Variants in RBL1 observed in about 807,000 individuals in gnomAD.
The protein encoded by RBL1 is RB transcriptional corepressor like 1, also known as retinoblastoma-like protein 1.
In RBL1, 82 loss-of-function variants were observed where a neutral mutation model predicts 123.0. The ratio of observed to expected loss-of-function variants is 0.67; its 90% CI spans 0.56 to 0.80. The LOEUF (loss-of-function observed/expected upper bound fraction) is 0.80, where lower values mean the gene tolerates loss of function less well. Ranked by LOEUF, RBL1 falls within the 30% of genes least tolerant of loss-of-function variation. RBL1 has a pLI of 0.00. For synonymous variants in RBL1, 405 were observed against 441.3 expected (o/e 0.92, Z 1.03); for missense variants, 1,171 against 1,299.6 (o/e 0.90, Z 1.52).
intron 7 of RBL1, among the ~76,000 whole-genome samples, chr20:37,062,823 C>T (rs1478991108): frequency 6.7e-6 from 1 of 149,012 alleles, no homozygotes; most frequent in Non-Finnish European, 1.5e-5. Flanking sequence ...GGCGTGGTGG[C>T]GGGCGCCTGT....
intron 7 of RBL1, among the ~76,000 whole-genome samples, chr20:37,064,280 G>A (rs184526236): frequency 6.6e-6 from 1 of 152,028 alleles, no homozygotes; most frequent in East Asian, 1.9e-4. Flanking sequence ...TGGGACTACA[G>A]GCGTGTGCCA....
At chr20:37,011,589 C>A (rs1268031392) in intron 19 of RBL1, among the ~76,000 whole-genome samples, 1 of 151,946 alleles carries the variant, frequency 6.6e-6, no homozygotes, top group African/African-American at 2.4e-5. Context: ...TGCTTACCAC[C>A]ATGCCTGGCT....
intron 2 of RBL1, among the ~76,000 whole-genome samples, chr20:37,069,321 C>T (rs1345749702): frequency 6.6e-6 from 1 of 151,024 alleles, no homozygotes; most frequent in African/African-American, 2.4e-5. Flanking sequence ...GTGAGGAGCC[C>T]CTCTGCCTGG....
At chr20:37,086,735 T>C (rs1422404205) in intron 2 of RBL1, among the ~76,000 whole-genome samples, 1 of 152,180 alleles carries the variant, frequency 6.6e-6, no homozygotes. Flanking sequence ...TAAATTTGTT[T>C]TGTTTCCTAT....
At chr20:37,063,798 C>T (rs1350742298) in intron 7 of RBL1, among the ~76,000 whole-genome samples, 1 of 151,654 alleles carries the variant, frequency 6.6e-6, no homozygotes, top group Non-Finnish European at 1.5e-5. Flanking sequence ...AGGAGTGAGC[C>T]ACCATGCCCG....
At chr20:37,060,984 A>G (rs1395725185) in intron 9 of RBL1, 119 bp downstream of exon 9, 2 of 1,119,494 alleles carry the variant, frequency 1.8e-6, no homozygotes, top group African/African-American at 3.2e-5. Flanking sequence ...GAAATGGTAT[A>G]GTAAAACTTG....
chr20:37,068,879 C>T (rs1004523273), intron 2 of RBL1, among the ~76,000 whole-genome samples: 5 of 152,188 alleles, frequency 3.3e-5, no homozygotes, highest in East Asian at 1.9e-4. Flanking sequence ...TCTCTTTCCA[C>T]GGTCTCCCTC....
At chr20:37,017,946 T>C (rs2064283678) in intron 19 of RBL1, among the ~76,000 whole-genome samples, 1 of 152,164 alleles carries the variant, frequency 6.6e-6, no homozygotes, top group South Asian at 2.1e-4. Context: ...GGACATTTTC[T>C]TAACAGACTC....
At chr20:37,000,090 G>A (rs1428659124) in intron 21 of RBL1, among the ~76,000 whole-genome samples, 2 of 150,354 alleles carry the variant, frequency 1.3e-5, no homozygotes, top group African/African-American at 2.4e-5. Context: ...TGTGGGGAGC[G>A]CCTCTGCCCT....
At chr20:37,059,256 G>A (rs908497398) in intron 9 of RBL1, among the ~76,000 whole-genome samples, 1 of 152,196 alleles carries the variant, frequency 6.6e-6, no homozygotes, top group African/African-American at 2.4e-5. Flanking sequence ...TTCTGAGGCT[G>A]GAGATTGTTC....
chr20:37,056,348 CTTCT>C (rs1364578716), intron 9 of RBL1, 90 bp from the exon 10 acceptor site: 6 of 950,472 alleles, frequency 6.3e-6, no homozygotes, highest in Admixed American at 9.0e-5. Context: ...ATGCCTTCTT[CTTCT>C]TTTTTTTTTT....
At position 37,081,984 on chromosome 20, in the gene RBL1, T is replaced by C. The variant is rs938427877; in HGVS notation, c.290+7005A>G. On this transcript the variant is annotated intron_variant, in intron 2 of 21. Transcript: ENST00000373664. ...AGGCTCGCTTCAGGTCACTTCATGG[T>C]TGCCAAAATGTCAACTGGCCAGGAG... The C allele has an allele frequency of 1.5e-5, 7 of 456,036 alleles. No individual in the cohort carries two copies. The East Asian group carries it at 2.1e-4, about 14-fold the overall frequency. 28.2% of individuals were successfully genotyped at this position (456,036 alleles called of 1,614,324 possible). A position where few individuals can be genotyped will look rare whatever the true frequency, so the allele number is the denominator to read the frequency against.
At chr20:37,057,040 CCTACCTACCTATCTACCTAT>C (rs1209552744) in intron 9 of RBL1, among the ~76,000 whole-genome samples, 2 of 144,064 alleles carry the variant, frequency 1.4e-5, no homozygotes, top group African/African-American at 5.3e-5. Flanking sequence ...TACCTACCTA[CCTACCTACCTATCTACCTAT>C]CTACACACAC....
At chr20:37,085,444 T>G (rs908878831) in intron 2 of RBL1, among the ~76,000 whole-genome samples, 1 of 152,052 alleles carries the variant, frequency 6.6e-6, no homozygotes, top group Non-Finnish European at 1.5e-5. Flanking sequence ...CCAAGGATAC[T>G]GCTTTCTACT....
At position 37,020,467 on chromosome 20, in the gene RBL1, G is replaced by A. The variant is rs188549767; in HGVS notation, c.2631+192C>T. On this transcript the variant is annotated intron_variant, in intron 18 of 21. Coordinates refer to ENST00000373664, the MANE Select transcript of RBL1 (RefSeq NM_002895.5). ...GTATATGAAAGTATATGGATGAGTCGGAAACAGTCAGACTTCCTGGCTTCT... is the reference window on the plus strand; with the variant it reads ...GTATATGAAAGTATATGGATGAGTCAGAAACAGTCAGACTTCCTGGCTTCT... Among the ~76,000 whole-genome samples the A allele has an allele frequency of 5.8e-4, 88 of 152,170 alleles. 1 individual carries two copies. In the East Asian group the frequency reaches 0.013, roughly 22 times the overall value.
Position 37,067,294 on chromosome 20 carries a change from C to A in RBL1, c.495G>T (p.Arg165Ser). 1 of 1,596,668 alleles carries A rather than the reference C, an allele frequency of 6.3e-7. No homozygotes were observed. The highest frequency in any genetic ancestry group is 1.2e-5 in the South Asian group (1 of 86,840). The change falls in exon 4 of 22, where the codon AGG becomes AGT. Residue 165 changes from arginine to serine, a missense_variant. By Grantham distance (110) the Arg-to-Ser change is moderately radical (BLOSUM62 -1). Transcript: ENST00000373664. ...PKLPRSRKQR[R>S]IPCSVKDLFN... ...ACAGATCCTTAACACTGCAAGGAAT[C>A]CTCCTAAAAAGGGAAAAAAATTACT...
chr20:37,021,460 T>A (rs1600478054), intron 17 of RBL1, among the ~76,000 whole-genome samples: 1 of 151,994 alleles, frequency 6.6e-6, no homozygotes, highest in African/African-American at 2.4e-5. Flanking sequence ...TTTTTTTTTT[T>A]TTGAGATAGA....
At chr20:37,036,306 C>T (rs2064610504) in intron 14 of RBL1, among the ~76,000 whole-genome samples, 1 of 152,194 alleles carries the variant, frequency 6.6e-6, no homozygotes, top group Non-Finnish European at 1.5e-5. Context: ...GAGATGGAGT[C>T]TTGCTCTGTC....
intron 9 of RBL1, 71 bp downstream of exon 9, chr20:37,061,032 A>C: frequency 1.1e-5 from 16 of 1,405,448 alleles, no homozygotes; most frequent in Non-Finnish European, 1.5e-5. Flanking sequence ...TTCTGAATAT[A>C]CTAAAAATAG....
Sources: gnomAD v4.1 joint callset for allele counts (sites outside exome capture counted in the v4.1 genomes callset) on GRCh38, gnomAD v4.1.1 for gene constraint, MANE v1.5 for transcripts, NCBI Gene and HGNC (gene_info 2026-07-23, HGNC 2026-07-21) for gene names.